The following TANGO6 variants were observed in gnomAD, a reference collection of about 807,000 sequenced individuals.
TANGO6 encodes transport and golgi organization 6 homolog.
A neutral mutation model predicts 114.2 loss-of-function variants in TANGO6; 90 were observed. The observed-to-expected ratio is 0.79, with a 90% confidence interval of 0.66 to 0.94. The LOEUF (loss-of-function observed/expected upper bound fraction) is 0.94. TANGO6 is among the 40% of genes least tolerant of loss of function. TANGO6 has a pLI of 0.00. For missense variants in TANGO6, 1,274 were observed against 1,315.3 expected, an observed-to-expected ratio of 0.97 and a Z score of 0.49; for synonymous variants, 477 against 509.8, an observed-to-expected ratio of 0.94 and a Z score of 0.87.
At chr16:69,018,248 A>G (rs1018345666) in intron 15 of TANGO6, among the ~76,000 whole-genome samples, 2 of 139,690 alleles carry the variant, frequency 1.4e-5, no homozygotes, top group African/African-American at 5.3e-5. Context: ...GGTTCACGCC[A>G]TTCTCCTGCC....
At chr16:68,975,593 A>C (rs1442981531) in intron 15 of TANGO6, among the ~76,000 whole-genome samples, 1 of 150,800 alleles carries the variant, frequency 6.6e-6, no homozygotes, top group Non-Finnish European at 1.5e-5. Context: ...GGTCTTACTC[A>C]GTCACCCAGG....
chr16:68,959,307 G>A (rs1367928359), intron 14 of TANGO6, among the ~76,000 whole-genome samples: 1 of 152,120 alleles, frequency 6.6e-6, no homozygotes, highest in Non-Finnish European at 1.5e-5. Context: ...GGAAAAAATG[G>A]GCCGAGTGCG....
At chr16:69,064,696 C>T (rs1391117155) in intron 17 of TANGO6, among the ~76,000 whole-genome samples, 1 of 152,174 alleles carries the variant, frequency 6.6e-6, no homozygotes, top group Non-Finnish European at 1.5e-5. Flanking sequence ...AATCTCTAAA[C>T]CTCCCTAACC....
At chr16:69,081,509 AT>A (rs1481608058) in intron 17 of TANGO6, among the ~76,000 whole-genome samples, 4 of 151,260 alleles carry the variant, frequency 2.6e-5, no homozygotes. Context: ...ACACCTGCTA[AT>A]TTTTATTTTT....
At chr16:68,877,614 ATTT>A (rs1000421788) in intron 5 of TANGO6, among the ~76,000 whole-genome samples, 1 of 148,020 alleles carries the variant, frequency 6.8e-6, no homozygotes, top group Non-Finnish European at 1.5e-5. Flanking sequence ...GGCAAAAAAA[ATTT>A]TTTTTTTTGA....
At position 68,950,545 on chromosome 16, in the gene TANGO6, A is replaced by G. The variant is rs1963461525; in HGVS notation, c.2701+20250A>G. On this transcript the variant is annotated intron_variant, in intron 14 of 17. Transcript: ENST00000261778. ...GAGCCACTGTATTCCAGCCTGGGCG[A>G]CAGAGCGAGACTCTGTTTTAAAAAA... 1.3e-5 allele frequency among the ~76,000 whole-genome samples: 2 copies of G among 151,106 alleles called. 1 individual carries two copies. Among genetic ancestry groups the G allele is most frequent in the Admixed American group, 1.3e-4 (2 of 15,110 alleles).
At chr16:68,945,447 T>C (rs1182481716) in intron 14 of TANGO6, among the ~76,000 whole-genome samples, 1 of 152,194 alleles carries the variant, frequency 6.6e-6, no homozygotes, top group Non-Finnish European at 1.5e-5. Context: ...ATTATACTTT[T>C]GGGGCAATAT....
chr16:68,887,361 CTG>C (rs1467298576), intron 7 of TANGO6, among the ~76,000 whole-genome samples: 29 of 152,190 alleles, frequency 1.9e-4, no homozygotes, highest in Non-Finnish European at 3.5e-4. Flanking sequence ...CCTGATCAGA[CTG>C]CAGGTTATCT....
chr16:69,029,205 G>A (rs998360278), intron 16 of TANGO6, among the ~76,000 whole-genome samples: 1 of 152,162 alleles, frequency 6.6e-6, no homozygotes, highest in African/African-American at 2.4e-5. Context: ...CATCTGTCAG[G>A]AGACCCACCC....
intron 11 of TANGO6, among the ~76,000 whole-genome samples, chr16:68,912,961 T>C (rs1383410351): frequency 6.8e-6 from 1 of 146,748 alleles, no homozygotes; most frequent in Non-Finnish European, 1.5e-5. Context: ...GCGCCTGTAA[T>C]CCCAGCTATT....
intron 9 of TANGO6, among the ~76,000 whole-genome samples, chr16:68,903,637 A>G (rs1962813179): frequency 7.4e-6 from 1 of 135,846 alleles, no homozygotes. Flanking sequence ...AAAAAAAAAG[A>G]AGGACCAGGC....
chr16:69,046,829 C>T (rs556727924), intron 17 of TANGO6, among the ~76,000 whole-genome samples: 1 of 151,920 alleles, frequency 6.6e-6, no homozygotes, highest in East Asian at 1.9e-4. Flanking sequence ...AGATGGAGTA[C>T]TAGAAATTAT....
intron 1 of TANGO6, among the ~76,000 whole-genome samples, chr16:68,850,220 C>T (rs1035926421): frequency 1.3e-5 from 2 of 152,118 alleles, no homozygotes; most frequent in East Asian, 1.9e-4. Context: ...GATCCACCCA[C>T]GTCAGCCTCC....
At chr16:68,931,859 T>C (rs750460787) in intron 14 of TANGO6, among the ~76,000 whole-genome samples, 19 of 152,246 alleles carry the variant, frequency 1.2e-4, no homozygotes, top group Admixed American at 4.6e-4. Context: ...CATTGAGTTA[T>C]GCACTTTTTT....
At chr16:68,884,642 T>C (rs986696784) in intron 7 of TANGO6, among the ~76,000 whole-genome samples, 2 of 152,118 alleles carry the variant, frequency 1.3e-5, no homozygotes, top group African/African-American at 4.8e-5. Context: ...GGGGTAAGAC[T>C]AATTGTGACT....
At chr16:68,955,125 T>A (rs1416898866) in intron 14 of TANGO6, among the ~76,000 whole-genome samples, 1 of 152,188 alleles carries the variant, frequency 6.6e-6, no homozygotes, top group Non-Finnish European at 1.5e-5. Flanking sequence ...GACTATGGCT[T>A]TTTCACTGTG....
chr16:68,927,472 C>T (rs1597023974), intron 12 of TANGO6, 96 bp from the exon 13 acceptor site: 8 of 1,360,824 alleles, frequency 5.9e-6, no homozygotes, highest in Non-Finnish European at 8.1e-6. Flanking sequence ...GATTTGATCC[C>T]TGCCCTTTTT....
intron 11 of TANGO6, among the ~76,000 whole-genome samples, chr16:68,916,809 T>C (rs1345190503): frequency 2.0e-5 from 3 of 152,048 alleles, no homozygotes; most frequent in Non-Finnish European, 4.4e-5. Context: ...AGACAGAGAT[T>C]TCCCTTACAC....
chr16:68,883,806 T>C lies in TANGO6; in HGVS notation c.1377+3176T>C, dbSNP rs1009024187. On this transcript the variant is annotated intron_variant, in intron 7 of 17. Transcript: ENST00000261778. ...TATGAGGGTATAAAGTGAATCACAT[T>C]CTTTCAGATAAGAAGGCAGATGCTT... 3.9e-5 allele frequency among the ~76,000 whole-genome samples: 6 copies of C among 152,348 alleles called. No individual in the cohort carries two copies. The South Asian group carries it at 6.2e-4, about 16-fold the overall frequency.
Sources: gnomAD v4.1 joint callset for allele counts (sites outside exome capture counted in the v4.1 genomes callset) on GRCh38, gnomAD v4.1.1 for gene constraint, MANE v1.5 for transcripts, NCBI Gene and HGNC (gene_info 2026-07-23, HGNC 2026-07-21) for gene names.